ZNF385D: variants seen among roughly 807,000 people sequenced by gnomAD.
ZNF385D encodes the protein zinc finger protein 659.
In ZNF385D, 15 loss-of-function variants were observed where a neutral mutation model predicts 35.8. The observed-to-expected ratio is 0.42, with a 90% CI of 0.28 to 0.64. The LOEUF is 0.64. Among genes scored for constraint, ZNF385D ranks in the 30% least tolerant of loss-of-function variants. ZNF385D has a pLI of 0.23. For synonymous variants in ZNF385D, 212 were observed against 186.8 expected (o/e 1.13, Z -1.10); for missense variants, 474 against 494.6 (o/e 0.96, Z 0.39).
At chr3:22,180,591 T>C (rs1695173662) in intron 2 of ZNF385D, among the ~76,000 whole-genome samples, 1 of 152,120 alleles carries the variant, frequency 6.6e-6, no homozygotes, top group Non-Finnish European at 1.5e-5. Context: ...TCCACCATGA[T>C]CAAGTGGGCT....
At chr3:21,738,054 C>A (rs2069331279) in intron 1 of ZNF385D, among the ~76,000 whole-genome samples, 1 of 152,244 alleles carries the variant, frequency 6.6e-6, no homozygotes, top group Non-Finnish European at 1.5e-5. Flanking sequence ...GTGCAGACTT[C>A]CTGAAAGGGA....
At chr3:21,758,470 C>G (rs1229925548) in intron 3 of ZNF385D, among the ~76,000 whole-genome samples, 1 of 152,116 alleles carries the variant, frequency 6.6e-6, no homozygotes, top group Non-Finnish European at 1.5e-5. Flanking sequence ...GGAAACCCAG[C>G]TAGGAACCAG....
chr3:21,607,997 G>A lies in ZNF385D; in HGVS notation c.166-43313C>T, dbSNP rs901660383. Among the ~76,000 whole-genome samples the A allele has an allele frequency of 3.1e-4, 32 of 104,662 alleles. 1 individual carries two copies. In the Admixed American group the frequency reaches 3.1e-3, roughly 10 times the overall value. The allele number at this position is 104,662 out of a possible 152,430, so 68.7% of individuals were successfully genotyped here. On this transcript the variant is annotated intron_variant, in intron 2 of 7. Transcript: ENST00000281523. ...AGCCAAATAACCGTAATGAAAAGAT[G>A]TAATTCTTTTTCTTCTTTTTTTTTT...
At chr3:22,331,562 T>C (rs764533846) in intron 2 of ZNF385D, among the ~76,000 whole-genome samples, 7 of 152,290 alleles carry the variant, frequency 4.6e-5, no homozygotes, top group Admixed American at 3.3e-4. Flanking sequence ...GTTATAATTA[T>C]AGTACAAAAA....
intron 2 of ZNF385D, among the ~76,000 whole-genome samples, chr3:22,184,303 C>T (rs1275795662): frequency 6.6e-6 from 1 of 152,142 alleles, no homozygotes; most frequent in African/African-American, 2.4e-5. Flanking sequence ...TTATTGACGT[C>T]AGGGCAACAT....
intron 2 of ZNF385D, among the ~76,000 whole-genome samples, chr3:22,361,299 C>T (rs1393480130): frequency 1.3e-5 from 2 of 152,046 alleles, no homozygotes; most frequent in Non-Finnish European, 2.9e-5. Flanking sequence ...GCATGGAAAG[C>T]AAGCAATTTG....
At chr3:22,040,412 C>CA (rs1183914969) in intron 3 of ZNF385D, among the ~76,000 whole-genome samples, 3 of 151,942 alleles carry the variant, frequency 2.0e-5, no homozygotes, top group Admixed American at 2.0e-4. Flanking sequence ...CAACATCAAA[C>CA]AAAAAAATGT....
chr3:21,612,855 C>T (rs1036454302), intron 2 of ZNF385D, among the ~76,000 whole-genome samples: 1 of 152,068 alleles, frequency 6.6e-6, no homozygotes, highest in African/African-American at 2.4e-5. Context: ...CAAATTAATT[C>T]ACATGTCTAT....
intron 3 of ZNF385D, among the ~76,000 whole-genome samples, chr3:22,118,986 C>G (rs1408082289): frequency 1.3e-5 from 2 of 152,070 alleles, no homozygotes; most frequent in African/African-American, 4.8e-5. Flanking sequence ...ACATAAGAAA[C>G]TATCACCTGC....
chr3:21,744,572 C>T (rs2069672994), intron 1 of ZNF385D, among the ~76,000 whole-genome samples: 1 of 152,196 alleles, frequency 6.6e-6, no homozygotes, highest in African/African-American at 2.4e-5. Context: ...GGAATGCCAA[C>T]ATCTGGAGAA....
intron 3 of ZNF385D, among the ~76,000 whole-genome samples, chr3:21,817,185 A>C (rs2073188322): frequency 6.6e-6 from 1 of 152,218 alleles, no homozygotes; most frequent in Non-Finnish European, 1.5e-5. Flanking sequence ...AAATTAATTC[A>C]AGATGGATTA....
At chr3:21,829,595 G>A (rs1474349002) in intron 3 of ZNF385D, among the ~76,000 whole-genome samples, 2 of 151,286 alleles carry the variant, frequency 1.3e-5, no homozygotes, top group East Asian at 2.0e-4. Context: ...TTTAGCCTTC[G>A]AGAAGATGAC....
At chr3:21,895,312 T>C (rs1243238040) in intron 3 of ZNF385D, among the ~76,000 whole-genome samples, 1 of 142,542 alleles carries the variant, frequency 7.0e-6, no homozygotes, top group Non-Finnish European at 1.5e-5. Context: ...ATCACTGAAA[T>C]GTGTGGCTTT....
chr3:21,449,194 A>G (rs1301065496), intron 4 of ZNF385D, among the ~76,000 whole-genome samples: 1 of 152,008 alleles, frequency 6.6e-6, no homozygotes, highest in East Asian at 1.9e-4. Flanking sequence ...CTAAGAATTA[A>G]TCTCAAAATA....
chr3:22,226,936 T>A (rs939294016), intron 2 of ZNF385D, among the ~76,000 whole-genome samples: 8 of 152,164 alleles, frequency 5.3e-5, no homozygotes, highest in African/African-American at 1.9e-4. Flanking sequence ...TTCCTTGACA[T>A]ATTTCTGCCT....
intron 2 of ZNF385D, among the ~76,000 whole-genome samples, chr3:22,303,541 T>C (rs1183415920): frequency 6.6e-6 from 1 of 152,194 alleles, no homozygotes; most frequent in Non-Finnish European, 1.5e-5. Flanking sequence ...GTATTCTAAA[T>C]GATGTTTAAA....
chr3:22,217,353 G>A (rs914402677), intron 2 of ZNF385D, among the ~76,000 whole-genome samples: 2 of 152,068 alleles, frequency 1.3e-5, no homozygotes, highest in Admixed American at 6.6e-5. Flanking sequence ...CTGTTTCTAA[G>A]GAACTGTGAA....
chr3:22,152,298 C>A (rs1705289521), intron 3 of ZNF385D, among the ~76,000 whole-genome samples: 1 of 152,268 alleles, frequency 6.6e-6, no homozygotes, highest in African/African-American at 2.4e-5. Context: ...ACAACAACTG[C>A]ATGGGAGGGT....
chr3:22,205,101 A>T (rs1317689714), intron 2 of ZNF385D, among the ~76,000 whole-genome samples: 1 of 152,060 alleles, frequency 6.6e-6, no homozygotes, highest in Non-Finnish European at 1.5e-5. Context: ...AATAAGGAAA[A>T]GATTCTAAAA....
Sources: allele counts gnomAD v4.1 joint callset (sites outside exome capture counted in the v4.1 genomes callset), GRCh38; gene constraint gnomAD v4.1.1; transcripts MANE v1.5; gene names NCBI Gene and HGNC (gene_info 2026-07-23, HGNC 2026-07-21).